Variants in FLT3LG observed in about 807,000 individuals in gnomAD.
FLT3LG encodes the protein fms related receptor tyrosine kinase 3 ligand, also known as fms-related tyrosine kinase 3 ligand.
In FLT3LG, 8 loss-of-function variants were observed where a neutral mutation model predicts 30.9. The observed-to-expected ratio is 0.26, with a 90% CI of 0.15 to 0.47. FLT3LG has a LOEUF of 0.47. Among genes scored for constraint, FLT3LG ranks in the 20% least tolerant of loss-of-function variants. The pLI is 0.99. For missense variants in FLT3LG, 278 were observed against 306.2 expected, an observed-to-expected ratio of 0.91 and a Z score of 0.69; for synonymous variants, 123 against 135.9, an observed-to-expected ratio of 0.91 and a Z score of 0.66.
In FLT3LG at chr19:49,476,925, T is replaced by C. The variant is rs1415364005; in HGVS notation, c.342+359T>C. 6.6e-6 allele frequency among the ~76,000 whole-genome samples: 1 copy of C among 151,726 alleles called. No homozygotes were observed. The highest frequency in any genetic ancestry group is 1.5e-5 in the Non-Finnish European group (1 of 67,952). ...ACTTTGGGAGGCTGAGGTGGGCGGA[T>C]CACTTGAGGTCAGGAGTTTGAGACC... On this transcript the variant is annotated intron_variant, in intron 5 of 8. Transcript: ENST00000597551. The surrounding 1 kb of genome is among the most constrained non-coding windows in gnomAD (Gnocchi z 5.3).
At chr19:49,477,109 A>C (rs2079420813) in intron 5 of FLT3LG, among the ~76,000 whole-genome samples, 1 of 152,006 alleles carries the variant, frequency 6.6e-6, no homozygotes, top group African/African-American at 2.4e-5. Flanking sequence ...TGGGAGACAG[A>C]GTGAAACTGT....
chr19:49,476,840 A>G lies in FLT3LG; in HGVS notation c.342+274A>G. 1 of 417,750 alleles carries G rather than the reference A, an allele frequency of 2.4e-6. No homozygotes were observed. Among genetic ancestry groups the G allele is most frequent in the South Asian group, 2.5e-5 (1 of 40,440 alleles). The allele number at this position is 417,750 out of a possible 1,614,324, so 25.9% of individuals were successfully genotyped here. The stretch of plus-strand genomic sequence containing the variant: ...GTTCTTCCCCCAAAAAAAAACAGGG[A>G]GAGAAGGGGTCTCTAAACTGAGGAG... On this transcript the variant is annotated intron_variant, in intron 5 of 8. Transcript: ENST00000597551. The surrounding 1 kb of genome is among the most constrained non-coding windows in gnomAD (Gnocchi z 5.3).
chr19:49,483,648 G>A (rs1327706555), intron 8 of FLT3LG, among the ~76,000 whole-genome samples: 1 of 151,654 alleles, frequency 6.6e-6, no homozygotes, highest in Non-Finnish European at 1.5e-5. Flanking sequence ...CTTGAGCCCA[G>A]GAGGTCGAGG....
chr19:49,480,003 C>T (rs992200541), intron 6 of FLT3LG, among the ~76,000 whole-genome samples: 1 of 151,634 alleles, frequency 6.6e-6, no homozygotes, highest in African/African-American at 2.4e-5. Flanking sequence ...GGGTTTTCAC[C>T]ATGTTGGCCA....
At chr19:49,475,912 C>T (rs1188721696) in intron 3 of FLT3LG, 111 bp downstream of exon 3, 23 of 1,140,930 alleles carry the variant, frequency 2.0e-5, no homozygotes, top group Non-Finnish European at 1.3e-6. Context: ...TCTTGAACTC[C>T]TGGGCTCAAG....
chr19:49,483,501 A>G (rs984267617), intron 8 of FLT3LG, among the ~76,000 whole-genome samples: 1 of 152,156 alleles, frequency 6.6e-6, no homozygotes, highest in Admixed American at 6.6e-5. Context: ...CACATAGTCA[A>G]GTTGTTCAAA....
At chr19:49,474,717 A>G (rs2079312493) in intron 2 of FLT3LG, 45 bp downstream of exon 2, 3 of 1,596,022 alleles carry the variant, frequency 1.9e-6, no homozygotes, top group Non-Finnish European at 2.6e-6. Context: ...GGGAGGCACA[A>G]TGTCAGGATG....
At chr19:49,483,635 T>C (rs555812638) in intron 8 of FLT3LG, among the ~76,000 whole-genome samples, 10 of 151,450 alleles carry the variant, frequency 6.6e-5, no homozygotes, top group South Asian at 4.2e-4. Flanking sequence ...AGTAGGAGGA[T>C]TGCTTGAGCC....
chr19:49,475,848 C>G (rs572141875), intron 3 of FLT3LG, 47 bp downstream of exon 3: 11 of 1,544,506 alleles, frequency 7.1e-6, no homozygotes, highest in East Asian at 6.8e-5. Context: ...CCCTTCCCCC[C>G]ACTTTTTTTT....
chr19:49,479,498 CTTTTTT>C (rs1177717575), intron 6 of FLT3LG, among the ~76,000 whole-genome samples: 1 of 96,040 alleles, frequency 1.0e-5, no homozygotes, highest in East Asian at 2.8e-4. Flanking sequence ...CCCAGCCTAC[CTTTTTT>C]TTTTTTTTTT....
rs143404354 is a variant in FLT3LG, at chr19:49,477,813, C to T, written c.343-1096C>T. Among the ~76,000 whole-genome samples the T allele has an allele frequency of 2.8e-3, 425 of 152,054 alleles. 12 individuals are homozygous for T. In the East Asian group the frequency reaches 0.06, roughly 22 times the overall value. ...CTGTAATCCCAGCACTTTGGGAGCC[C>T]GAGGCGGGCAGATCACGAGGTCAGG... On this transcript the variant is annotated intron_variant, in intron 5 of 8. Coordinates refer to ENST00000597551, the MANE Select transcript of FLT3LG (RefSeq NM_001459.4).
chr19:49,475,280 G>T (rs1382922029), intron 2 of FLT3LG, among the ~76,000 whole-genome samples: 1 of 151,592 alleles, frequency 6.6e-6, no homozygotes, highest in Non-Finnish European at 1.5e-5. Flanking sequence ...ACAGAGGAGA[G>T]GGAAGGTGGA....
In FLT3LG at chr19:49,474,288, G is replaced by A. The variant is rs1332093162; in HGVS notation, c.-38+7G>A. On this transcript the variant is annotated splice_region_variant and intron_variant, in intron 1 of 8. Transcript: ENST00000597551. The stretch of plus-strand genomic sequence containing the variant: ...CCCAACTGGGGCAAGCCTGGTGCGT[G>A]AGGAGACTTGGACTCTAGGTCCCCA... The A allele has an allele frequency of 8.9e-6, 4 of 451,192 alleles. No individual in the cohort carries two copies. Among genetic ancestry groups the A allele is most frequent in the African/African-American group, 2.0e-5 (1 of 50,708 alleles). The allele number at this position is 451,192 out of a possible 1,614,324, so 27.9% of individuals were successfully genotyped here.
In FLT3LG at chr19:49,476,281, C is replaced by A. The variant is rs1004978138; in HGVS notation, c.198+83C>A. ...CCACCGAGGCGAGTGGATAACCAGG[C>A]CCTCCCCTCCCCAAACCCAGGAATC... On this transcript the variant is annotated intron_variant, in intron 4 of 8. Coordinates refer to ENST00000597551, the MANE Select transcript of FLT3LG (RefSeq NM_001459.4). This position sits in a 1 kb window ranked among gnomAD's most constrained non-coding sequence, Gnocchi z 5.3. 2.1e-5 allele frequency: 30 copies of A among 1,429,524 alleles called. No homozygotes were observed. The highest frequency in any genetic ancestry group is 2.9e-5 in the Non-Finnish European group (30 of 1,019,966). 88.6% of individuals were successfully genotyped at this position (1,429,524 alleles called of 1,614,324 possible).
intron 8 of FLT3LG, among the ~76,000 whole-genome samples, chr19:49,484,512 T>G (rs1320988589): frequency 6.6e-6 from 1 of 151,316 alleles, no homozygotes; most frequent in Non-Finnish European, 1.5e-5. Context: ...TGTTGTTGTT[T>G]TTGAGACGGA....
chr19:49,484,594 T>C (rs1361470682), intron 8 of FLT3LG, among the ~76,000 whole-genome samples: 3 of 151,840 alleles, frequency 2.0e-5, no homozygotes, highest in Non-Finnish European at 4.4e-5. Context: ...CCTCCCGGGT[T>C]CAAGCGATTC....
In FLT3LG at chr19:49,476,750, G is replaced by T. The variant is rs777990308; in HGVS notation, c.342+184G>T. 4.4e-5 allele frequency: 32 copies of T among 734,180 alleles called. No homozygotes were observed. The highest frequency in any genetic ancestry group is 2.1e-4 in the South Asian group (11 of 53,138). The allele number at this position is 734,180 out of a possible 1,614,324, so 45.5% of individuals were successfully genotyped here. A position where few individuals can be genotyped will look rare whatever the true frequency, so the allele number is the denominator to read the frequency against. ...ACACGTCCCCAGGCACCGGTGATGG[G>T]GAGCAGTCTGGTCCCATTCTGGGGC... On this transcript the variant is annotated intron_variant, in intron 5 of 8. Coordinates refer to ENST00000597551, the MANE Select transcript of FLT3LG (RefSeq NM_001459.4). This position sits in a 1 kb window ranked among gnomAD's most constrained non-coding sequence, Gnocchi z 5.3.
chr19:49,475,642 G>T (rs1051487538), intron 2 of FLT3LG, 49 bp from the exon 3 acceptor site: 1 of 1,579,566 alleles, frequency 6.3e-7, no homozygotes, highest in African/African-American at 1.3e-5. Context: ...GGAGGAGGGG[G>T]CTGTGTGTGG....
chr19:49,476,422 G>A lies in FLT3LG; in HGVS notation c.199-1G>A, dbSNP rs2079397130. The A allele has an allele frequency of 6.2e-7, 1 of 1,612,250 alleles. No homozygotes were observed. ...TCAGACCCGTGGGTTCTCCCCTCTA[G>A]GAGGAGCTCTGCGGGGGCCTCTGGC... On this transcript the variant is annotated splice_acceptor_variant, in intron 4 of 8. Transcript: ENST00000597551. LOFTEE classifies it high-confidence loss of function. The surrounding 1 kb of genome is among the most constrained non-coding windows in gnomAD (Gnocchi z 5.3).
Sources: allele counts gnomAD v4.1 joint callset (sites outside exome capture counted in the v4.1 genomes callset), GRCh38; gene constraint gnomAD v4.1.1; non-coding constraint Gnocchi (gnomAD v3.1); transcripts MANE v1.5; gene names NCBI Gene and HGNC (gene_info 2026-07-23, HGNC 2026-07-21).